Variants in XKR6 observed in about 807,000 individuals in gnomAD.
The protein encoded by XKR6 is XK related 6, also known as XK-related protein 6.
A neutral mutation model predicts 56.7 loss-of-function variants in XKR6; 22 were observed. The observed-to-expected ratio is 0.39, with a 90% CI of 0.28 to 0.55. The LOEUF (loss-of-function observed/expected upper bound fraction) is 0.55. Among genes scored for constraint, XKR6 ranks in the 20% least tolerant of loss-of-function variants. The pLI is 0.66. For synonymous variants in XKR6, 524 were observed against 387.8 expected (o/e 1.35, Z -4.13); for missense variants, 852 against 889.0 (o/e 0.96, Z 0.53).
intron 1 of XKR6, among the ~76,000 whole-genome samples, chr8:11,063,850 G>C (rs1345389956): frequency 6.6e-6 from 1 of 152,168 alleles, no homozygotes; most frequent in African/African-American, 2.4e-5. Flanking sequence ...TCTCCCCATA[G>C]AGGCTACTCG....
chr8:11,028,029 G>A (rs1180248190), intron 1 of XKR6, among the ~76,000 whole-genome samples: 1 of 151,988 alleles, frequency 6.6e-6, no homozygotes, highest in Non-Finnish European at 1.5e-5. Context: ...TGGGAATTTT[G>A]GCGAATGTAT....
intron 1 of XKR6, among the ~76,000 whole-genome samples, chr8:10,986,805 G>A (rs1256228560): frequency 6.7e-6 from 1 of 150,162 alleles, no homozygotes; most frequent in African/African-American, 2.4e-5. Flanking sequence ...TTTTTTAAGA[G>A]ATAGGGTTGA....
chr8:11,153,461 T>G (rs1032336245), intron 1 of XKR6, among the ~76,000 whole-genome samples: 2 of 152,220 alleles, frequency 1.3e-5, no homozygotes. Context: ...TCAATACAGT[T>G]TATAAACTTT....
At chr8:10,969,115 G>A (rs930572503) in intron 1 of XKR6, among the ~76,000 whole-genome samples, 1 of 152,170 alleles carries the variant, frequency 6.6e-6, no homozygotes, top group Non-Finnish European at 1.5e-5. Flanking sequence ...GTCAAAAACC[G>A]CCCCTAGAAA....
chr8:11,146,519 T>C (rs759408683), intron 1 of XKR6, among the ~76,000 whole-genome samples: 1 of 151,706 alleles, frequency 6.6e-6, no homozygotes, highest in Non-Finnish European at 1.5e-5. Flanking sequence ...TTCCCAGCTA[T>C]GTGGAAAGCT....
At chr8:11,034,874 C>G (rs1467789977) in intron 1 of XKR6, among the ~76,000 whole-genome samples, 1 of 152,230 alleles carries the variant, frequency 6.6e-6, no homozygotes, top group African/African-American at 2.4e-5. Context: ...CTTGCCTGTT[C>G]CCTCACAGTG....
At chr8:11,071,544 G>A (rs1284494038) in intron 1 of XKR6, among the ~76,000 whole-genome samples, 6 of 127,422 alleles carry the variant, frequency 4.7e-5, no homozygotes, top group Admixed American at 7.6e-5. Flanking sequence ...CCGAGTCTAT[G>A]AGCCCCGAGT....
chr8:11,128,321 T>C (rs919292189), intron 1 of XKR6, among the ~76,000 whole-genome samples: 1 of 152,164 alleles, frequency 6.6e-6, no homozygotes, highest in Non-Finnish European at 1.5e-5. Context: ...CTGTCTACAC[T>C]CACTCCTGTG....
chr8:11,096,046 T>C (rs931086552), intron 1 of XKR6, among the ~76,000 whole-genome samples: 1 of 152,246 alleles, frequency 6.6e-6, no homozygotes, highest in African/African-American at 2.4e-5. Flanking sequence ...ATGTCAAAAA[T>C]GCTATCAACA....
chr8:11,167,173 A>C (rs1802121826), intron 1 of XKR6, among the ~76,000 whole-genome samples: 1 of 152,212 alleles, frequency 6.6e-6, no homozygotes, highest in Non-Finnish European at 1.5e-5. Flanking sequence ...AACAAGCACC[A>C]ACTGTCAGAA....
At chr8:11,006,230 T>C (rs1798366027) in intron 1 of XKR6, among the ~76,000 whole-genome samples, 1 of 152,128 alleles carries the variant, frequency 6.6e-6, no homozygotes, top group Non-Finnish European at 1.5e-5. Flanking sequence ...AGAAATGAGC[T>C]GGGGAGAGAA....
intron 1 of XKR6, among the ~76,000 whole-genome samples, chr8:11,140,061 G>A (rs1243336354): frequency 1.3e-5 from 2 of 151,414 alleles, no homozygotes; most frequent in African/African-American, 2.4e-5. Context: ...TTATATGGAA[G>A]ACAAGAACAC....
intron 1 of XKR6, among the ~76,000 whole-genome samples, chr8:10,974,205 C>G (rs1461908754): frequency 2.0e-5 from 3 of 152,092 alleles, no homozygotes; most frequent in African/African-American, 4.8e-5. Context: ...CTGGTGGGCT[C>G]CCACATGTTA....
At chr8:10,985,208 C>T (rs1055993638) in intron 1 of XKR6, among the ~76,000 whole-genome samples, 10 of 152,156 alleles carry the variant, frequency 6.6e-5, no homozygotes, top group Non-Finnish European at 1.3e-4. Context: ...CCACATGTCA[C>T]GGGAGGGACC....
chr8:11,168,429 C>T (rs1047229169), intron 1 of XKR6, among the ~76,000 whole-genome samples: 11 of 152,078 alleles, frequency 7.2e-5, no homozygotes, highest in African/African-American at 1.9e-4. Flanking sequence ...TAAAGTGAGA[C>T]GTAGAAAGCT....
chr8:10,927,307 G>A (rs990637924), intron 1 of XKR6, among the ~76,000 whole-genome samples: 1 of 152,146 alleles, frequency 6.6e-6, no homozygotes, highest in African/African-American at 2.4e-5. Context: ...GCTGTGTGCT[G>A]AGTGGAGCCT....
intron 1 of XKR6, among the ~76,000 whole-genome samples, chr8:11,036,858 G>A (rs957601176): frequency 3.9e-5 from 6 of 152,200 alleles, no homozygotes; most frequent in South Asian, 2.1e-4. Context: ...AGGTGGCTGC[G>A]TGTGTTATTC....
intron 1 of XKR6, among the ~76,000 whole-genome samples, chr8:10,928,102 T>A (rs534818993): frequency 1.4e-3 from 219 of 152,216 alleles, no homozygotes; most frequent in African/African-American, 5.1e-3. Flanking sequence ...TATAATTAGG[T>A]CTGGACCCTG....
intron 1 of XKR6, among the ~76,000 whole-genome samples, chr8:10,991,793 T>G (rs570491143): frequency 6.6e-6 from 1 of 152,374 alleles, no homozygotes; most frequent in East Asian, 1.9e-4. Flanking sequence ...CCATTCTGTG[T>G]AAAACAGCAT....
Sources: gnomAD v4.1 joint callset for allele counts (sites outside exome capture counted in the v4.1 genomes callset) on GRCh38, gnomAD v4.1.1 for gene constraint, MANE v1.5 for transcripts, NCBI Gene and HGNC (gene_info 2026-07-23, HGNC 2026-07-21) for gene names.